POLG2: variants seen among roughly 807,000 people sequenced by gnomAD.
POLG2 encodes DNA polymerase subunit gamma-2.
POLG2 carries 50 observed loss-of-function variants against 56.5 expected under a neutral mutation model. The ratio of observed to expected loss-of-function variants is 0.88; its 90% CI spans 0.71 to 1.12. The LOEUF is 1.12. Among genes scored for constraint, POLG2 ranks in the 50% most tolerant of loss-of-function variants. POLG2 has a pLI of 0.00. For missense variants in POLG2, 584 were observed against 583.3 expected (o/e 1.00, Z -0.01); for synonymous variants, 226 against 222.6 (o/e 1.02, Z -0.14).
chr17:64,483,528 A>C (rs1360932380), intron 5 of POLG2, among the ~76,000 whole-genome samples: 16 of 150,958 alleles, frequency 1.1e-4, no homozygotes, highest in Non-Finnish European at 1.5e-4. Context: ...AAAAAAAAAA[A>C]CAAATTAACT....
rs2038163579 is a variant in POLG2, at chr17:64,496,947, T to C, written c.22A>G (p.Arg8Gly). The C allele has an allele frequency of 2.5e-6, 4 of 1,608,244 alleles. No homozygotes were observed. Among genetic ancestry groups the C allele is most frequent in the Non-Finnish European group, 3.4e-6 (4 of 1,179,968 alleles). The stretch of plus-strand genomic sequence containing the variant: ...CACCTGCAGACCTTATGGCAGGCCC[T>C]GACGGCTACACGAGAGCGCATCTCT... Reference protein sequence around the residue: MRSRVAVRACHKVCRCLL... With the variant: MRSRVAVGACHKVCRCLL... Residue 8 changes from arginine (R) to glycine (G), a missense_variant, in exon 1 of 8, where the codon AGG (arginine) becomes GGG (glycine). Arg to Gly is a moderately radical substitution (Grantham distance 125). Coordinates refer to ENST00000539111, the MANE Select transcript of POLG2 (RefSeq NM_007215.4).
chr17:64,490,609 T>C (rs1199017487), intron 4 of POLG2, 187 bp downstream of exon 4: 18 of 609,906 alleles, frequency 3.0e-5, no homozygotes, highest in Admixed American at 1.8e-4. Flanking sequence ...TCTGTGGCAA[T>C]AGTGGATTAC....
At chr17:64,491,060 T>C (rs980452726) in intron 3 of POLG2, 91 bp from the exon 4 acceptor site, 3 of 1,018,010 alleles carry the variant, frequency 2.9e-6, no homozygotes, top group Non-Finnish European at 3.1e-6. Context: ...AATTGTCCGA[T>C]ACTTTTTATT....
At position 64,496,514 on chromosome 17, in the gene POLG2, G is replaced by C. The variant is rs781997214; in HGVS notation, c.455C>G (p.Thr152Ser). Reference sequence around the variant, plus strand: ...TTTGTCTTGCAAGATTTCGCGTAGAGTTTCTGCAGAAACTAACCTGAAGGC... The same window carrying C: ...TTTGTCTTGCAAGATTTCGCGTAGACTTTCTGCAGAAACTAACCTGAAGGC... ...DSAFRLVSAE[T>S]LREILQDKEL... is the part of the protein sequence containing the mutation. Residue 152 changes from threonine (T) to serine (S), a missense_variant, in exon 1 of 8, where the codon ACT (threonine) becomes AGT (serine). Thr to Ser is a moderately conservative substitution (Grantham distance 58, BLOSUM62 1). Transcript: ENST00000539111. The C allele has an allele frequency of 1.2e-6, 2 of 1,613,446 alleles. No homozygotes were observed. Among genetic ancestry groups the C allele is most frequent in the Non-Finnish European group, 1.7e-6 (2 of 1,179,402 alleles).
intron 4 of POLG2, among the ~76,000 whole-genome samples, chr17:64,490,312 C>G (rs1488425744): frequency 6.6e-6 from 1 of 152,132 alleles, no homozygotes; most frequent in Non-Finnish European, 1.5e-5. Context: ...GTTAACATCA[C>G]CAGTAACACT....
In POLG2 at chr17:64,485,865, G is replaced by A. The variant is rs1555667383; in HGVS notation, c.973C>T (p.Arg325Ter). Residue 325 changes from arginine (R) to a stop codon, truncating the protein, a stop_gained, in exon 5 of 8, where the codon CGA (arginine) becomes TGA (stop). Coordinates refer to ENST00000539111, the MANE Select transcript of POLG2 (RefSeq NM_007215.4). LOFTEE classifies it high-confidence loss of function. ...GGAACCACATTTTTTCGTCCATCTC[G>A]GCCCTTCACAGAAAAACAGAAGAAA... ...YPGNVSKLHG[R>*]DGRKNVVPCV... The A allele has an allele frequency of 2.5e-6, 4 of 1,613,802 alleles. No homozygotes were observed. The highest frequency in any genetic ancestry group is 2.2e-5 in the East Asian group (1 of 44,880).
At position 64,485,738 on chromosome 17, in the gene POLG2, A is replaced by T. The variant is rs782585466; in HGVS notation, c.1100T>A (p.Leu367His). The change falls in exon 5 of 8, where the codon CTT (leucine) becomes CAT (histidine). Residue 367 changes from leucine to histidine, a missense_variant. Transcript: ENST00000539111. ...TENSFTRKKN[L>H]HRKVLKLHPC... is the part of the protein sequence containing the mutation. ...AAATATCAACAGCACCTTTCTATGA[A>T]GATTTTTCTTTCTTGTAAAGGAGTT... 6.2e-7 allele frequency: 1 copy of T among 1,612,802 alleles called. No homozygotes were observed. The highest frequency in any genetic ancestry group is 1.1e-5 in the South Asian group (1 of 91,060).
chr17:64,478,467 T>C (rs1475035854), intron 7 of POLG2, among the ~76,000 whole-genome samples: 4 of 152,220 alleles, frequency 2.6e-5, no homozygotes, highest in African/African-American at 9.6e-5. Context: ...AACAGATAGA[T>C]GCACGGCTGA....
rs1555668715 is a variant in POLG2, at chr17:64,492,650, G to C, written c.795+17C>G. 8 of 1,445,334 alleles carry C rather than the reference G, an allele frequency of 5.5e-6. No homozygotes were observed. Among genetic ancestry groups the C allele is most frequent in the African/African-American group, 2.8e-5 (2 of 71,540 alleles). The allele number at this position is 1,445,334 out of a possible 1,614,324, so 89.5% of individuals were successfully genotyped here. ...TTTATGTATTAACTATTAAATTAAA[G>C]GTAATTATTGCAGTACCTTTCTCCA... On this transcript the variant is annotated intron_variant, in intron 3 of 7. Transcript: ENST00000539111.
chr17:64,481,166 C>CA (rs2037849875), intron 6 of POLG2: 1 of 552,802 alleles, frequency 1.8e-6, no homozygotes, highest in Admixed American at 6.4e-5. Context: ...CAAATCTCTC[C>CA]AGACATTACT....
Position 64,496,704 on chromosome 17 carries a change from C to G in POLG2, c.265G>C (p.Asp89His), listed in dbSNP as rs782066270. The change falls in exon 1 of 8, where the codon GAT (aspartate) becomes CAT (histidine). Residue 89 changes from aspartate to histidine, a missense_variant. By Grantham distance (81) the Asp-to-His change is moderately conservative. Coordinates refer to ENST00000539111, the MANE Select transcript of POLG2 (RefSeq NM_007215.4). ...GGGTGGCACCCACTCAGAAGAGAAT[C>G]CCGGCTAAGCTGCTGCTTGCTTCCA... ...LSGSKQQLSR[D>H]SLLSGCHPGF... The G allele has an allele frequency of 1.9e-6, 3 of 1,614,090 alleles. No homozygotes were observed. The South Asian group carries it at 3.3e-5, about 18-fold the overall frequency.
chr17:64,493,145 T>G, intron 1 of POLG2, 124 bp from the exon 2 acceptor site: 1 of 1,097,424 alleles, frequency 9.1e-7, no homozygotes, highest in East Asian at 2.5e-5. Context: ...TGGCTAAGCT[T>G]GGTGGCTCAC....
intron 7 of POLG2, among the ~76,000 whole-genome samples, chr17:64,478,839 C>T (rs2037809800): frequency 6.6e-6 from 1 of 151,954 alleles, no homozygotes; most frequent in Admixed American, 6.6e-5. Flanking sequence ...AGAGGTTGCA[C>T]TAAGCCGAGA....
chr17:64,480,399 A>G lies in POLG2; in HGVS notation c.1192-10T>C. 1.5e-6 allele frequency: 2 copies of G among 1,369,926 alleles called. No individual in the cohort carries two copies. Among genetic ancestry groups the G allele is most frequent in the Non-Finnish European group, 2.1e-6 (2 of 961,110 alleles). The allele number at this position is 1,369,926 out of a possible 1,614,324, so 84.9% of individuals were successfully genotyped here. ...ATAGCCCTTGACAAACCTAGAAAGA[A>G]ATAGAAAAACTTCAAATATGAAAGA... On this transcript the variant is annotated splice_polypyrimidine_tract_variant and intron_variant, in intron 6 of 7. Transcript: ENST00000539111.
chr17:64,478,332 T>C (rs1254274089), intron 7 of POLG2, among the ~76,000 whole-genome samples: 1 of 152,220 alleles, frequency 6.6e-6, no homozygotes, highest in East Asian at 1.9e-4. Flanking sequence ...ACAATTATTT[T>C]AGACTGAAGT....
chr17:64,492,686 C>A lies in POLG2; in HGVS notation c.776G>T (p.Arg259Leu). The A allele has an allele frequency of 1.2e-6, 2 of 1,608,092 alleles. No individual in the cohort carries two copies. ...CAGTACCTTTCTCCACCACTGGAGT[C>A]GATGACGTAACCAGAAATCAAGCCA... ...NQWLDFWLRH[R>L]LQWWRKFAMS... Residue 259 changes from arginine (R) to leucine (L), a missense_variant, in exon 3 of 8, where the codon CGA becomes CTA. Coordinates refer to ENST00000539111, the MANE Select transcript of POLG2 (RefSeq NM_007215.4).
chr17:64,486,542 T>G (rs1368139754), intron 4 of POLG2, among the ~76,000 whole-genome samples: 2 of 152,058 alleles, frequency 1.3e-5, no homozygotes, highest in Non-Finnish European at 2.9e-5. Flanking sequence ...TTTTCTATTT[T>G]TAGTAGGGAC....
intron 4 of POLG2, among the ~76,000 whole-genome samples, chr17:64,489,799 T>TA (rs1184568254): frequency 5.3e-5 from 8 of 152,086 alleles, no homozygotes; most frequent in African/African-American, 1.7e-4. Context: ...AACCTCACAT[T>TA]AGTAACTGAT....
intron 5 of POLG2, among the ~76,000 whole-genome samples, chr17:64,483,551 A>G (rs1219524612): frequency 2.7e-5 from 4 of 149,400 alleles, no homozygotes; most frequent in Non-Finnish European, 5.9e-5. Context: ...AGACCCTCCC[A>G]TTTTCTGACA....
Sources: gnomAD v4.1 joint callset for allele counts (sites outside exome capture counted in the v4.1 genomes callset) on GRCh38, gnomAD v4.1.1 for gene constraint, MANE v1.5 for transcripts, NCBI Gene and HGNC (gene_info 2026-07-23, HGNC 2026-07-21) for gene names.